The following SAAL1 variants were observed in gnomAD, a reference collection of about 807,000 sequenced individuals.
SAAL1 encodes protein SAAL1.
SAAL1 carries 42 observed loss-of-function variants against 59.8 expected under a neutral mutation model. The observed-to-expected ratio is 0.70, with a 90% CI of 0.55 to 0.91. SAAL1 has a LOEUF of 0.91. Among genes scored for constraint, SAAL1 ranks in the 40% least tolerant of loss-of-function variants. SAAL1 has a pLI of 0.00. For missense variants in SAAL1, 542 were observed against 561.1 expected (o/e 0.97, Z 0.34); for synonymous variants, 191 against 194.3 (o/e 0.98, Z 0.14).
At chr11:18,081,580 A>G (rs2134053000) in intron 10 of SAAL1, 77 bp from the exon 11 acceptor site, 1 of 1,069,776 alleles carries the variant, frequency 9.3e-7, no homozygotes, top group Non-Finnish European at 1.5e-6. Context: ...ACAAATCAGG[A>G]TATTCAATTC....
chr11:18,087,865 T>C (rs1471549737), intron 7 of SAAL1, among the ~76,000 whole-genome samples: 2 of 152,236 alleles, frequency 1.3e-5, no homozygotes, highest in African/African-American at 4.8e-5. Flanking sequence ...AAAACAGATG[T>C]ATAAGATGTT....
chr11:18,081,335 G>A (rs529937593), intron 11 of SAAL1, 76 bp downstream of exon 11: 47 of 998,692 alleles, frequency 4.7e-5, no homozygotes, highest in African/African-American at 2.1e-4. Flanking sequence ...CAATGACCTC[G>A]AAATCAAGTG....
In SAAL1 at chr11:18,083,677, C is replaced by G. The variant is rs1384478523; in HGVS notation, c.1097G>C (p.Cys366Ser). ...TGCCGAGTTCTCTGGTTTTTTCTGA[C>G]ACTGTTCCATATTTTGTAAGACCCG... ...LIRVLQNMEQ[C>S]QKKPENSAES... The change falls in exon 10 of 12, where the codon TGT becomes TCT. Residue 366 changes from cysteine to serine, a missense_variant. Transcript: ENST00000524803. 1.9e-6 allele frequency: 3 copies of G among 1,611,928 alleles called. No homozygotes were observed. Among genetic ancestry groups the G allele is most frequent in the Non-Finnish European group, 2.5e-6 (3 of 1,178,804 alleles).
At chr11:18,095,077 T>C (rs573335683) in intron 3 of SAAL1, among the ~76,000 whole-genome samples, 1 of 152,308 alleles carries the variant, frequency 6.6e-6, no homozygotes, top group South Asian at 2.1e-4. Context: ...TTAGGAATCC[T>C]GGACCTACTG....
At chr11:18,098,347 C>A (rs558755853) in intron 2 of SAAL1, among the ~76,000 whole-genome samples, 1 of 152,162 alleles carries the variant, frequency 6.6e-6, no homozygotes, top group African/African-American at 2.4e-5. Context: ...CCTAAAGGGG[C>A]GTAACACACA....
At position 18,082,296 on chromosome 11, in the gene SAAL1, GAAAC is replaced by G. The variant is rs1477168241; in HGVS notation, c.1240-797_1240-794del. ...AAATGGATAAATTATTAAAAGGTAG[GAAAC>G]AAATTAACATACGACATCCAAATAT... On this transcript the variant is annotated intron_variant, in intron 10 of 11. Transcript: ENST00000524803. Among the ~76,000 whole-genome samples, 2 of 152,030 alleles carry G rather than the reference GAAAC, an allele frequency of 1.3e-5. 1 individual carries two copies.
intron 3 of SAAL1, among the ~76,000 whole-genome samples, chr11:18,095,220 G>A (rs562043547): frequency 7.0e-4 from 107 of 152,124 alleles, no homozygotes; most frequent in South Asian, 2.5e-3. Context: ...GGTGGCCAGC[G>A]GATATAATAC....
At chr11:18,102,301 C>T (rs1285011271) in intron 2 of SAAL1, among the ~76,000 whole-genome samples, 1 of 151,452 alleles carries the variant, frequency 6.6e-6, no homozygotes, top group South Asian at 2.1e-4. Context: ...ACTCTGGACG[C>T]TATGGCAGGA....
At chr11:18,081,129 C>G (rs987499782) in intron 11 of SAAL1, among the ~76,000 whole-genome samples, 1 of 152,104 alleles carries the variant, frequency 6.6e-6, no homozygotes, top group African/African-American at 2.4e-5. Flanking sequence ...AGTTTTTCAG[C>G]CCTTGCCCTC....
intron 9 of SAAL1, among the ~76,000 whole-genome samples, chr11:18,084,781 G>A (rs1004588281): frequency 1.8e-4 from 28 of 152,070 alleles, no homozygotes; most frequent in African/African-American, 6.0e-4. Flanking sequence ...TTTTTGGAGG[G>A]GGGGTGCGGA....
At chr11:18,105,762 CGCAAGGA>C in intron 1 of SAAL1, 138 bp downstream of exon 1, 1 of 1,068,160 alleles carries the variant, frequency 9.4e-7, no homozygotes. Flanking sequence ...GCCGGCGAAA[CGCAAGGA>C]GCAAGGTCCC....
At chr11:18,092,542 G>C (rs1266749968) in intron 3 of SAAL1, among the ~76,000 whole-genome samples, 3 of 152,144 alleles carry the variant, frequency 2.0e-5, no homozygotes, top group Non-Finnish European at 4.4e-5. Flanking sequence ...GCAAAGGCAG[G>C]AGCTATGCGA....
At chr11:18,104,717 C>G (rs1848669994) in intron 1 of SAAL1, among the ~76,000 whole-genome samples, 1 of 152,062 alleles carries the variant, frequency 6.6e-6, no homozygotes, top group South Asian at 2.1e-4. Flanking sequence ...TAAGAAAGGG[C>G]CTAGCATGTT....
At chr11:18,085,919 C>A (rs866639781) in intron 9 of SAAL1, among the ~76,000 whole-genome samples, 2 of 151,902 alleles carry the variant, frequency 1.3e-5, no homozygotes, top group Admixed American at 1.3e-4. Flanking sequence ...ACATGTGACA[C>A]GAGAATAAAT....
intron 2 of SAAL1, among the ~76,000 whole-genome samples, chr11:18,100,111 TTTC>T (rs1848619629): frequency 1.3e-5 from 2 of 152,246 alleles, no homozygotes; most frequent in South Asian, 4.1e-4. Context: ...ACAGGTTTTA[TTTC>T]TTTTTAAAAA....
intron 7 of SAAL1, among the ~76,000 whole-genome samples, chr11:18,089,047 A>G (rs1055413922): frequency 1.3e-5 from 2 of 152,254 alleles, no homozygotes; most frequent in African/African-American, 4.8e-5. Context: ...AATGTAAAAT[A>G]AAGCACAAGA....
chr11:18,103,476 A>G lies in SAAL1; in HGVS notation c.136-130T>C, dbSNP rs1350788594. The G allele has an allele frequency of 1.1e-5, 8 of 706,064 alleles. No homozygotes were observed. In the African/African-American group the frequency reaches 1.4e-4, roughly 12 times the overall value. The allele number at this position is 706,064 out of a possible 1,614,324, so 43.7% of individuals were successfully genotyped here. ...TGAGAAAAAAATTTGATTCCTGGCC[A>G]GGGCCACTGTCTGTGTGGAGTTTGC... On this transcript the variant is annotated intron_variant, in intron 1 of 11. Transcript: ENST00000524803.
In SAAL1 at chr11:18,090,247, A is replaced by C. The variant is rs1306805150; in HGVS notation, c.517T>G (p.Trp173Gly). The change falls in exon 6 of 12, where the codon TGG becomes GGG. Residue 173 changes from tryptophan to glycine, a missense_variant. Transcript: ENST00000524803. ...CLSQAEVASV[W>G]VERIQEHPAI... is the part of the protein sequence containing the mutation. ...GGATGTTCCTGGATCCTTTCAACCC[A>C]AACACTGGCCACTTCTGCCTGGGAA... 2.5e-5 allele frequency: 41 copies of C among 1,611,014 alleles called. No individual in the cohort carries two copies. Among genetic ancestry groups the C allele is most frequent in the Non-Finnish European group, 3.5e-5 (41 of 1,179,330 alleles).
At chr11:18,099,323 T>C (rs904252696) in intron 2 of SAAL1, among the ~76,000 whole-genome samples, 1 of 152,238 alleles carries the variant, frequency 6.6e-6, no homozygotes, top group Non-Finnish European at 1.5e-5. Flanking sequence ...GGTATTCATC[T>C]ATTCATTCAT....
Sources: allele counts gnomAD v4.1 joint callset (sites outside exome capture counted in the v4.1 genomes callset), GRCh38; gene constraint gnomAD v4.1.1; transcripts MANE v1.5; gene names NCBI Gene and HGNC (gene_info 2026-07-23, HGNC 2026-07-21).